STRBP: variants seen among roughly 807,000 people sequenced by gnomAD.
The protein encoded by STRBP is spermatid perinuclear RNA-binding protein.
A neutral mutation model predicts 80.1 loss-of-function variants in STRBP; 13 were observed. That is an observed-to-expected ratio of 0.16 (90% CI 0.11 to 0.26). The LOEUF (loss-of-function observed/expected upper bound fraction) is 0.26, where lower values mean the gene tolerates loss of function less well. Among genes scored for constraint, STRBP ranks in the 10% least tolerant of loss-of-function variants. STRBP has a pLI of 1.00. For missense variants in STRBP, 485 were observed against 815.2 expected (o/e 0.59, Z 4.93); for synonymous variants, 284 against 291.2 (o/e 0.98, Z 0.25).
At chr9:123,223,780 G>C (rs1349170028) in intron 2 of STRBP, among the ~76,000 whole-genome samples, 1 of 151,754 alleles carries the variant, frequency 6.6e-6, no homozygotes, top group Non-Finnish European at 1.5e-5. Context: ...TTGATTCTTA[G>C]TATTTATTTA....
rs189744839 is a variant in STRBP at position 123,182,680 on chromosome 9, G to C, written c.3+1452C>G. Among the ~76,000 whole-genome samples, 23 of 152,110 alleles carry C rather than the reference G, an allele frequency of 1.5e-4. No homozygotes were observed. The East Asian group carries it at 4.4e-3, about 29-fold the overall frequency. ...GTCAGCTGATTAAGTTATAATCCTT[G>C]GCACAAATATTTTTAAAAGCAAGTA... is the stretch of plus-strand genomic sequence containing the variant. On this transcript the variant is annotated intron_variant, in intron 3 of 18. Transcript: ENST00000348403.
intron 18 of STRBP, 90 bp downstream of exon 18, chr9:123,128,124 A>G (rs2035969344): frequency 6.8e-7 from 1 of 1,476,462 alleles, no homozygotes; most frequent in South Asian, 1.2e-5. Flanking sequence ...GAGATCCTCC[A>G]ATTAATTTAC....
downstream of STRBP, among the ~76,000 whole-genome samples, chr9:123,119,600 A>G (rs932978193): frequency 1.3e-5 from 2 of 151,950 alleles, no homozygotes; most frequent in Non-Finnish European, 1.5e-5. Context: ...GCTGACGCCT[A>G]TCAGCACCAA....
chr9:123,187,609 G>A (rs538182986), intron 2 of STRBP, among the ~76,000 whole-genome samples: 40 of 152,214 alleles, frequency 2.6e-4, no homozygotes, highest in Middle Eastern at 3.4e-3. Context: ...TTACGCAGAA[G>A]GTGGCATTAT....
chr9:123,161,096 C>A, intron 6 of STRBP, 28 bp from the exon 7 acceptor site: 2 of 1,509,202 alleles, frequency 1.3e-6, no homozygotes, highest in Non-Finnish European at 1.8e-6. Flanking sequence ...TAAAGAGAGA[C>A]AAATACAATT....
chr9:123,257,440 AC>A (rs566611434), intron 1 of STRBP, among the ~76,000 whole-genome samples: 67 of 152,064 alleles, frequency 4.4e-4, no homozygotes, highest in Admixed American at 1.3e-3. Context: ...ACACACACAG[AC>A]ACACACACCC....
At chr9:123,128,385 G>A (rs1358446069) in intron 17 of STRBP, 127 bp from the exon 18 acceptor site, 6 of 1,016,226 alleles carry the variant, frequency 5.9e-6, no homozygotes, top group Non-Finnish European at 9.1e-6. Context: ...GGATGAATGA[G>A]AACCACTGCC....
chr9:123,137,119 G>A (rs908754264), intron 14 of STRBP, among the ~76,000 whole-genome samples: 8 of 152,156 alleles, frequency 5.3e-5, no homozygotes, highest in Non-Finnish European at 7.3e-5. Flanking sequence ...GCAAAATAAC[G>A]TATGTTAAAG....
At chr9:123,152,500 G>A (rs2037099433) in intron 11 of STRBP, among the ~76,000 whole-genome samples, 1 of 151,948 alleles carries the variant, frequency 6.6e-6, no homozygotes, top group African/African-American at 2.4e-5. Flanking sequence ...TAGGTAAACA[G>A]TTAAATAAAC....
Position 123,197,937 on chromosome 9 carries a change from G to A in STRBP, c.-164-13639C>T, listed in dbSNP as rs538022173. The stretch of plus-strand genomic sequence containing the variant: ...TATCTGTTTGCCTAGACCTCTCAAA[G>A]TGCTGGGATTACAGGCGTGAGCCAC... On this transcript the variant is annotated intron_variant, in intron 2 of 18. Transcript: ENST00000348403. Among the ~76,000 whole-genome samples the A allele has an allele frequency of 1.9e-4, 29 of 152,134 alleles. 1 individual carries two copies. Among genetic ancestry groups the A allele is most frequent in the Admixed American group, 1.8e-3 (27 of 15,294 alleles).
chr9:123,209,803 A>C (rs2039646622), intron 2 of STRBP, among the ~76,000 whole-genome samples: 1 of 152,188 alleles, frequency 6.6e-6, no homozygotes, highest in Admixed American at 6.5e-5. Flanking sequence ...ATAAATAATA[A>C]GTTTGTCTCG....
chr9:123,234,907 C>A (rs1038443248), intron 2 of STRBP, among the ~76,000 whole-genome samples: 1 of 150,432 alleles, frequency 6.6e-6, no homozygotes, highest in Non-Finnish European at 1.5e-5. Context: ...TCGCAGTCAG[C>A]TGAGCCTGGG....
At position 123,238,584 on chromosome 9, in the gene STRBP, C is replaced by T. The variant is rs1006507662; in HGVS notation, c.-301-1618G>A. On this transcript the variant is annotated intron_variant, in intron 1 of 18. Coordinates refer to ENST00000348403, the MANE Select transcript of STRBP (RefSeq NM_018387.5). The stretch of plus-strand genomic sequence containing the variant: ...GTACTAGGGCACCCTAATTTCAGCA[C>T]GGACTGTACAGGAACTCTGACAGCA... Among the ~76,000 whole-genome samples, 4 of 152,212 alleles carry T rather than the reference C, an allele frequency of 2.6e-5. No individual in the cohort carries two copies. In the East Asian group the frequency reaches 7.7e-4, roughly 29 times the overall value.
intron 2 of STRBP, among the ~76,000 whole-genome samples, chr9:123,220,669 A>C (rs16926271): frequency 0.014 from 2,170 of 152,296 alleles, 53 homozygotes; most frequent in African/African-American, 0.049. Flanking sequence ...AGACTCCAAC[A>C]AGTCAACAAT....
Position 123,136,799 on chromosome 9 carries a change from T to C in STRBP, c.1498-284A>G, listed in dbSNP as rs985451500. ...GTGGGCCACTCCAGGCTCTGCTCTG[T>C]AGTGTTCGTGATCTAAGAATAATAC... On this transcript the variant is annotated intron_variant, in intron 14 of 18. Transcript: ENST00000348403. This position sits in a 1 kb window ranked among gnomAD's most constrained non-coding sequence, Gnocchi z 4.2. 2.6e-5 allele frequency among the ~76,000 whole-genome samples: 4 copies of C among 152,160 alleles called. No homozygotes were observed. The highest frequency in any genetic ancestry group is 5.9e-5 in the Non-Finnish European group (4 of 68,046).
intron 2 of STRBP, among the ~76,000 whole-genome samples, chr9:123,197,038 T>C (rs1032702331): frequency 3.3e-5 from 5 of 152,160 alleles, no homozygotes; most frequent in African/African-American, 1.2e-4. Context: ...ATATACATAA[T>C]GGAGTACTAT....
intron 3 of STRBP, chr9:123,113,178 T>G (rs2035594991): frequency 6.0e-6 from 1 of 167,184 alleles, no homozygotes; most frequent in East Asian, 1.9e-4. Flanking sequence ...ACCACAGACA[T>G]GGTCCTCCAT....
At chr9:123,154,874 C>T (rs2037213699) in intron 11 of STRBP, among the ~76,000 whole-genome samples, 1 of 152,242 alleles carries the variant, frequency 6.6e-6, no homozygotes, top group South Asian at 2.1e-4. Context: ...AAATGCAACT[C>T]TGTTGCAGGA....
chr9:123,217,495 C>A (rs1056101778), intron 2 of STRBP, among the ~76,000 whole-genome samples: 8 of 152,140 alleles, frequency 5.3e-5, no homozygotes, highest in African/African-American at 1.9e-4. Flanking sequence ...AGGTAAAAAT[C>A]ATTGCCAATT....
Sources: gnomAD v4.1 joint callset for allele counts (sites outside exome capture counted in the v4.1 genomes callset) on GRCh38, gnomAD v4.1.1 for gene constraint, Gnocchi (gnomAD v3.1) non-coding constraint, MANE v1.5 for transcripts, NCBI Gene and HGNC (gene_info 2026-07-23, HGNC 2026-07-21) for gene names.